Variants in C6 observed in about 807,000 individuals in gnomAD.
C6 encodes complement component C6.
C6 carries 101 observed loss-of-function variants against 112.9 expected under a neutral mutation model. The observed-to-expected ratio is 0.89, with a 90% CI of 0.76 to 1.06. The LOEUF (loss-of-function observed/expected upper bound fraction) is 1.06, where lower values mean the gene tolerates loss of function less well. Among genes scored for constraint, C6 ranks in the 50% least tolerant of loss-of-function variants. C6 has a pLI of 0.00. For missense variants in C6, 1,202 were observed against 1,104.6 expected (o/e 1.09, Z -1.25); for synonymous variants, 431 against 384.1 (o/e 1.12, Z -1.43).
In C6 at chr5:41,209,041, C is replaced by T. The variant is rs541166348; in HGVS notation, c.-21+4335G>A. ...ATCCACCACAATCAGGTTGGCTTCA[C>T]CCCTGGGATGCAAGTCTGTTTAACT... On this transcript the variant is annotated intron_variant, in intron 1 of 17. Coordinates refer to ENST00000337836, the MANE Select transcript of C6 (RefSeq NM_000065.5). 2.0e-5 allele frequency among the ~76,000 whole-genome samples: 3 copies of T among 152,158 alleles called. No individual in the cohort carries two copies. The East Asian group carries it at 5.8e-4, about 29-fold the overall frequency.
chr5:41,228,906 G>A (rs1006663887), intron 1 of C6, among the ~76,000 whole-genome samples: 1 of 152,084 alleles, frequency 6.6e-6, no homozygotes, highest in Non-Finnish European at 1.5e-5. Flanking sequence ...CAGGAATATT[G>A]ACCTGTAGTT....
At chr5:41,252,873 T>C (rs1452149912) in intron 1 of C6, among the ~76,000 whole-genome samples, 1 of 152,236 alleles carries the variant, frequency 6.6e-6, no homozygotes, top group African/African-American at 2.4e-5. Flanking sequence ...GTGAGTGGGC[T>C]GAACCAATAT....
At chr5:41,207,743 C>A (rs1158249246) in intron 1 of C6, among the ~76,000 whole-genome samples, 1 of 152,144 alleles carries the variant, frequency 6.6e-6, no homozygotes, top group African/African-American at 2.4e-5. Context: ...CCTTAGAGAT[C>A]TACAAAGAGA....
At chr5:41,232,120 T>G (rs1170140019) in intron 1 of C6, among the ~76,000 whole-genome samples, 1 of 152,154 alleles carries the variant, frequency 6.6e-6, no homozygotes, top group Non-Finnish European at 1.5e-5. Flanking sequence ...TCAAAAATTC[T>G]TCTTAGCTTT....
intron 6 of C6, among the ~76,000 whole-genome samples, chr5:41,184,304 T>C (rs1427246510): frequency 1.3e-5 from 2 of 152,126 alleles, no homozygotes; most frequent in Non-Finnish European, 2.9e-5. Flanking sequence ...TTTAACCCAC[T>C]GTGTGGAGTT....
chr5:41,149,185 CT>C, intron 17 of C6, 55 bp downstream of exon 17: 2 of 1,592,390 alleles, frequency 1.3e-6, no homozygotes, highest in Non-Finnish European at 8.6e-7. Context: ...AGATGATGTA[CT>C]AGCTGAGATG....
chr5:41,162,314 C>T (rs1164169660), intron 9 of C6, among the ~76,000 whole-genome samples: 1 of 152,060 alleles, frequency 6.6e-6, no homozygotes, highest in Admixed American at 6.6e-5. Flanking sequence ...TTTGGGTGCC[C>T]AGAATAAGAT....
chr5:41,205,919 C>T (rs985506867), intron 1 of C6, among the ~76,000 whole-genome samples: 1 of 152,188 alleles, frequency 6.6e-6, no homozygotes. Flanking sequence ...AGACTGCCTC[C>T]TCAAGTGGGT....
rs781406951 is a variant in C6, at chr5:41,181,471, G to T, written c.815C>A (p.Ser272Ter). 1 of 1,613,784 alleles carries T rather than the reference G, an allele frequency of 6.2e-7. No individual in the cohort carries two copies. The highest frequency in any genetic ancestry group is 8.5e-7 in the Non-Finnish European group (1 of 1,179,804). ...GHNENQQGSFSSQGGSSFSVP... is the reference protein window; with the variant it reads ...GHNENQQGSF ...ACTGAAAGAGCTCCCCCCCTGACTT[G>T]AGAATGAGCCTTGTTGATTTTCATT... The change falls in exon 7 of 18, where the codon TCA becomes TAA. Residue 272 changes from serine (S) to a stop codon, truncating the protein, a stop_gained. Coordinates refer to ENST00000337836, the MANE Select transcript of C6 (RefSeq NM_000065.5). LOFTEE classifies it high-confidence loss of function.
At chr5:41,250,554 C>T (rs1741288904) in intron 1 of C6, among the ~76,000 whole-genome samples, 1 of 152,190 alleles carries the variant, frequency 6.6e-6, no homozygotes, top group African/African-American at 2.4e-5. Flanking sequence ...TACATCATAT[C>T]TGAGCAGGAT....
intron 7 of C6, among the ~76,000 whole-genome samples, chr5:41,177,216 G>C (rs187158979): frequency 2.2e-4 from 33 of 152,188 alleles, no homozygotes; most frequent in African/African-American, 7.9e-4. Context: ...ATAAGATGAG[G>C]GCTTGCACCT....
chr5:41,149,519 G>T, intron 16 of C6, 37 bp from the exon 17 acceptor site: 1 of 1,612,000 alleles, frequency 6.2e-7, no homozygotes, highest in Non-Finnish European at 8.5e-7. Context: ...TCTATATGAA[G>T]ATCAGAAAAA....
intron 1 of C6, among the ~76,000 whole-genome samples, chr5:41,238,458 G>A (rs1030951059): frequency 6.6e-6 from 1 of 152,070 alleles, no homozygotes; most frequent in African/African-American, 2.4e-5. Context: ...ATAATAAATG[G>A]CATTATTGCC....
chr5:41,204,070 C>T (rs546995045), intron 1 of C6, among the ~76,000 whole-genome samples: 25 of 152,266 alleles, frequency 1.6e-4, no homozygotes, highest in Non-Finnish European at 3.2e-4. Flanking sequence ...ATACCCACCC[C>T]GTTATTGCCA....
intron 5 of C6, among the ~76,000 whole-genome samples, 169 bp downstream of exon 5, chr5:41,195,623 G>T (rs1561155080): frequency 6.6e-6 from 1 of 152,206 alleles, no homozygotes; most frequent in Non-Finnish European, 1.5e-5. Context: ...CAGGAGTGAG[G>T]ATCATGGCCA....
At chr5:41,168,870 A>G (rs1291690504) in intron 9 of C6, among the ~76,000 whole-genome samples, 3 of 152,168 alleles carry the variant, frequency 2.0e-5, no homozygotes, top group Non-Finnish European at 4.4e-5. Context: ...CTCAAGTAGT[A>G]GGAAGGGAAT....
chr5:41,251,085 T>C (rs192273849), intron 1 of C6, among the ~76,000 whole-genome samples: 98 of 152,350 alleles, frequency 6.4e-4, no homozygotes, highest in Non-Finnish European at 1.2e-3. Flanking sequence ...CGGAGAACTA[T>C]AATAAAATTT....
At chr5:41,191,718 T>A (rs1750229939) in intron 5 of C6, among the ~76,000 whole-genome samples, 1 of 152,110 alleles carries the variant, frequency 6.6e-6, no homozygotes, top group Non-Finnish European at 1.5e-5. Flanking sequence ...TGATAATATA[T>A]AGAAATGCTA....
intron 5 of C6, among the ~76,000 whole-genome samples, chr5:41,188,907 A>T (rs1749986414): frequency 6.6e-6 from 1 of 152,062 alleles, no homozygotes; most frequent in African/African-American, 2.4e-5. Flanking sequence ...TATACAAAAA[A>T]TGCTTGGAAC....
Sources: allele counts gnomAD v4.1 joint callset (sites outside exome capture counted in the v4.1 genomes callset), GRCh38; gene constraint gnomAD v4.1.1; transcripts MANE v1.5; gene names NCBI Gene and HGNC (gene_info 2026-07-23, HGNC 2026-07-21).